MICU3: variants seen among roughly 807,000 people sequenced by gnomAD.
The protein encoded by MICU3 is mitochondrial calcium uptake 3.
In MICU3, 62 loss-of-function variants were observed where a neutral mutation model predicts 66.5. The observed-to-expected ratio is 0.93, with a 90% CI of 0.76 to 1.15. The LOEUF (loss-of-function observed/expected upper bound fraction) is 1.15, where lower values mean the gene tolerates loss of function less well. MICU3 is among the 50% of genes most tolerant of loss of function. The pLI, the probability that MICU3 is intolerant of heterozygous loss-of-function variation, is 0.00. For missense variants in MICU3, 779 were observed against 664.4 expected (o/e 1.17, Z -1.90); for synonymous variants, 308 against 240.7 (o/e 1.28, Z -2.59).
At chr8:17,085,504 C>T (rs1422132638) in intron 6 of MICU3, among the ~76,000 whole-genome samples, 186 bp downstream of exon 6, 2 of 152,060 alleles carry the variant, frequency 1.3e-5, no homozygotes, top group Non-Finnish European at 2.9e-5. Flanking sequence ...ATATAAATTA[C>T]ATTCAGTGTA....
At chr8:17,081,834 C>G in intron 5 of MICU3, 94 bp downstream of exon 5, 2 of 631,516 alleles carry the variant, frequency 3.2e-6, no homozygotes, top group Non-Finnish European at 5.7e-6. Flanking sequence ...TCTTGAAAAT[C>G]AATATCCATG....
intron 1 of MICU3, among the ~76,000 whole-genome samples, chr8:17,046,821 A>C (rs531253390): frequency 6.6e-6 from 1 of 152,102 alleles, no homozygotes; most frequent in Admixed American, 6.6e-5. Context: ...CAGAGTAGAA[A>C]AGAAGACTCT....
intron 1 of MICU3, among the ~76,000 whole-genome samples, chr8:17,040,662 T>C (rs879865408): frequency 6.6e-6 from 1 of 152,208 alleles, no homozygotes; most frequent in African/African-American, 2.4e-5. Context: ...TTCATTTTCT[T>C]TAGAGGCATC....
the MICU3 span, among the ~76,000 whole-genome samples, chr8:17,135,411 G>T: frequency 6.6e-6 from 1 of 151,030 alleles, no homozygotes; most frequent in Non-Finnish European, 1.5e-5. Context: ...AAAAAAAAAT[G>T]GACATTTTTC....
chr8:17,135,258 G>A, the MICU3 span, among the ~76,000 whole-genome samples: 1 of 152,206 alleles, frequency 6.6e-6, no homozygotes, highest in Admixed American at 6.5e-5. Context: ...AATTAGCCAG[G>A]TGTGATGGTG....
chr8:17,043,113 G>A (rs1814473606), intron 1 of MICU3, among the ~76,000 whole-genome samples: 2 of 151,206 alleles, frequency 1.3e-5, no homozygotes, highest in East Asian at 1.9e-4. Flanking sequence ...CTAATTTTTT[G>A]TATTTTTAGT....
At position 17,116,493 on chromosome 8, in the gene MICU3, C is replaced by T. The variant is rs1425489177; in HGVS notation, c.1417C>T (p.His473Tyr). The change falls in exon 13 of 15, where the codon CAT becomes TAT. Residue 473 changes from histidine to tyrosine, a missense_variant. Coordinates refer to ENST00000318063, the MANE Select transcript of MICU3 (RefSeq NM_181723.3). ...YVATGLKFSP[H>Y]LVNTVFKIFD... ...AGCTACTGGACTCAAATTTTCACCA[C>T]ATTTAGTGAACACTGTCTTCAAGAT... 6.4e-7 allele frequency: 1 copy of T among 1,554,450 alleles called. No individual in the cohort carries two copies. Among genetic ancestry groups the T allele is most frequent in the Non-Finnish European group, 8.6e-7 (1 of 1,157,306 alleles).
rs1345336226 is a variant in MICU3 at position 17,118,691 on chromosome 8, C to T, written c.1525-16C>T. The T allele has an allele frequency of 1.3e-6, 2 of 1,573,514 alleles. No individual in the cohort carries two copies. Among genetic ancestry groups the T allele is most frequent in the Non-Finnish European group, 1.7e-6 (2 of 1,146,726 alleles). On this transcript the variant is annotated splice_polypyrimidine_tract_variant and intron_variant, in intron 13 of 14. Coordinates refer to ENST00000318063, the MANE Select transcript of MICU3 (RefSeq NM_181723.3). ...TCTTTCTGTACATTTGCACACTTTG[C>T]TCTTCTGTTTTACAGGGTTATAAAA... is the stretch of plus-strand genomic sequence containing the variant.
At chr8:17,129,287 A>T in the MICU3 span, among the ~76,000 whole-genome samples, 3 of 152,168 alleles carry the variant, frequency 2.0e-5, no homozygotes, top group East Asian at 5.8e-4. Flanking sequence ...GGAAAATGTG[A>T]CCCTTAAAAA....
intron 1 of MICU3, among the ~76,000 whole-genome samples, chr8:17,043,651 T>C (rs1346540068): frequency 6.6e-6 from 1 of 152,248 alleles, no homozygotes; most frequent in African/African-American, 2.4e-5. Flanking sequence ...ATTAGGATTT[T>C]ATGTTCTTAT....
intron 1 of MICU3, among the ~76,000 whole-genome samples, chr8:17,043,545 G>A (rs997259682): frequency 2.0e-5 from 3 of 152,176 alleles, no homozygotes; most frequent in African/African-American, 7.2e-5. Flanking sequence ...GGTGAATGGA[G>A]ATCAGTGTGA....
intron 1 of MICU3, among the ~76,000 whole-genome samples, 184 bp from the exon 2 acceptor site, chr8:17,063,900 C>T (rs980465666): frequency 4.6e-5 from 7 of 152,030 alleles, no homozygotes; most frequent in Admixed American, 2.0e-4. Flanking sequence ...TAGAATCTTT[C>T]GAATATTAAT....
Position 17,086,655 on chromosome 8 carries a change from G to A in MICU3, c.778-309G>A, listed in dbSNP as rs73666270. Among the ~76,000 whole-genome samples the A allele has an allele frequency of 8.7e-3, 1,321 of 152,094 alleles. 14 individuals carry two copies. Among genetic ancestry groups the A allele is most frequent in the African/African-American group, 0.027 (1,109 of 41,498 alleles). The stretch of plus-strand genomic sequence containing the variant: ...CCATACTGCCAAGTTCCATCCCCCT[G>A]ACTTAAAGTAAAAGATTAACTTTTG... On this transcript the variant is annotated intron_variant, in intron 6 of 14. Transcript: ENST00000318063.
chr8:17,055,773 T>C (rs554683178), intron 1 of MICU3, among the ~76,000 whole-genome samples: 1 of 152,186 alleles, frequency 6.6e-6, no homozygotes. Flanking sequence ...CTTGGGGCTC[T>C]TATGTGAGAA....
At chr8:17,076,194 A>C (rs1461197563) in intron 3 of MICU3, among the ~76,000 whole-genome samples, 1 of 151,764 alleles carries the variant, frequency 6.6e-6, no homozygotes, top group Non-Finnish European at 1.5e-5. Context: ...TGCCCAGCTA[A>C]TTGTTTGTCT....
chr8:17,071,297 C>A (rs1819551904), intron 3 of MICU3, among the ~76,000 whole-genome samples: 1 of 152,090 alleles, frequency 6.6e-6, no homozygotes, highest in African/African-American at 2.4e-5. Context: ...GGCTTGAAGT[C>A]TGAGATCCAG....
chr8:17,108,755 C>T (rs988396422), intron 11 of MICU3, among the ~76,000 whole-genome samples: 1 of 152,122 alleles, frequency 6.6e-6, no homozygotes, highest in South Asian at 2.1e-4. Context: ...TTAGAATTCA[C>T]GGAAATGTTT....
intron 1 of MICU3, among the ~76,000 whole-genome samples, chr8:17,041,110 A>G (rs548859112): frequency 6.6e-6 from 1 of 152,312 alleles, no homozygotes; most frequent in African/African-American, 2.4e-5. Context: ...TTTGGGAATC[A>G]TCACGTATTA....
At chr8:17,101,375 G>A (rs1490573746) in intron 9 of MICU3, among the ~76,000 whole-genome samples, 1 of 151,786 alleles carries the variant, frequency 6.6e-6, no homozygotes, top group Non-Finnish European at 1.5e-5. Flanking sequence ...CACTGGTATA[G>A]TTTTCAGTGG....
Sources: allele counts gnomAD v4.1 joint callset (sites outside exome capture counted in the v4.1 genomes callset), GRCh38; gene constraint gnomAD v4.1.1; transcripts MANE v1.5; gene names NCBI Gene and HGNC (gene_info 2026-07-23, HGNC 2026-07-21).